CHRM3: variants seen among roughly 807,000 people sequenced by gnomAD.
The protein encoded by CHRM3 is muscarinic acetylcholine receptor M3.
A neutral mutation model predicts 41.8 loss-of-function variants in CHRM3; 11 were observed. That is an observed-to-expected ratio of 0.26 (90% CI 0.17 to 0.44). CHRM3 has a LOEUF of 0.44. Among genes scored for constraint, CHRM3 ranks in the 20% least tolerant of loss-of-function variants. The pLI is 1.00. For missense variants in CHRM3, 571 were observed against 745.4 expected, an observed-to-expected ratio of 0.77 and a Z score of 2.72; for synonymous variants, 297 against 301.4, an observed-to-expected ratio of 0.99 and a Z score of 0.15.
At chr1:239,558,712 C>T (rs909676363) in intron 3 of CHRM3, among the ~76,000 whole-genome samples, 6 of 152,186 alleles carry the variant, frequency 3.9e-5, no homozygotes, top group Non-Finnish European at 8.8e-5. Context: ...CCTAGAATGC[C>T]TTTCCCTCTC....
intron 5 of CHRM3, among the ~76,000 whole-genome samples, chr1:239,721,404 T>C (rs368443033): frequency 1.3e-5 from 2 of 151,862 alleles, no homozygotes; most frequent in South Asian, 2.1e-4. Flanking sequence ...AAGAAAATGA[T>C]AGGCATGGTA....
chr1:239,464,662 C>G (rs1318783944), intron 1 of CHRM3, among the ~76,000 whole-genome samples: 2 of 152,108 alleles, frequency 1.3e-5, no homozygotes, highest in Non-Finnish European at 2.9e-5. Flanking sequence ...TATGGGCAGG[C>G]TCTGGAATGT....
chr1:239,445,483 T>C (rs543951898), intron 1 of CHRM3, among the ~76,000 whole-genome samples: 5 of 152,308 alleles, frequency 3.3e-5, no homozygotes, highest in African/African-American at 1.2e-4. Context: ...CATAGCACTT[T>C]GTACATGCCT....
At chr1:239,794,453 A>G (rs181200784) in intron 5 of CHRM3, among the ~76,000 whole-genome samples, 1 of 134,728 alleles carries the variant, frequency 7.4e-6, no homozygotes, top group Non-Finnish European at 1.6e-5. Context: ...GATTTACTGT[A>G]TATCATTGTA....
intron 5 of CHRM3, among the ~76,000 whole-genome samples, chr1:239,816,042 GA>G (rs1022445696): frequency 9.2e-5 from 14 of 151,660 alleles, no homozygotes; most frequent in African/African-American, 2.2e-4. Context: ...TTCTGGGGGG[GA>G]AAAAAGAACA....
intron 4 of CHRM3, among the ~76,000 whole-genome samples, chr1:239,648,574 A>G (rs936054584): frequency 7.9e-5 from 12 of 152,086 alleles, no homozygotes; most frequent in Admixed American, 7.9e-4. Context: ...TGGGTAGTGG[A>G]TGAGGGGGAA....
intron 3 of CHRM3, among the ~76,000 whole-genome samples, chr1:239,598,635 A>G (rs908305043): frequency 6.6e-6 from 1 of 152,132 alleles, no homozygotes; most frequent in Non-Finnish European, 1.5e-5. Context: ...GTACCCCCTG[A>G]CTTGTTTGGA....
intron 5 of CHRM3, among the ~76,000 whole-genome samples, chr1:239,687,599 T>C (rs1659268666): frequency 6.6e-6 from 1 of 152,156 alleles, no homozygotes; most frequent in Admixed American, 6.5e-5. Flanking sequence ...AAATGTGACA[T>C]GTTTTAACCA....
intron 1 of CHRM3, among the ~76,000 whole-genome samples, chr1:239,406,901 G>A (rs958266209): frequency 1.3e-5 from 2 of 152,196 alleles, no homozygotes; most frequent in Non-Finnish European, 2.9e-5. Flanking sequence ...TCTGAGCCAA[G>A]TTGTTCTTGG....
At position 239,628,479 on chromosome 1, in the gene CHRM3, G is replaced by A. The variant is rs1200295560; in HGVS notation, c.-312-3745G>A. ...TCCCGTAGCTCAGAGTAATTTGATCGTCTGAAGCCTTCTTCTCTCAGCTCG... is the reference window on the plus strand; with the variant it reads ...TCCCGTAGCTCAGAGTAATTTGATCATCTGAAGCCTTCTTCTCTCAGCTCG... On this transcript the variant is annotated intron_variant, in intron 3 of 6. Transcript: ENST00000676153. 9.3e-4 allele frequency among the ~76,000 whole-genome samples: 49 copies of A among 52,612 alleles called. 2 individuals are homozygous for A. Among genetic ancestry groups the A allele is most frequent in the Non-Finnish European group, 1.3e-3 (40 of 31,836 alleles). The allele number at this position is 52,612 out of a possible 152,430, so 34.5% of individuals were successfully genotyped here. A position where few individuals can be genotyped will look rare whatever the true frequency, so the allele number is the denominator to read the frequency against.
In CHRM3 at chr1:239,823,494, C is replaced by T. The variant is rs192164272; in HGVS notation, c.-146-3758C>T. On this transcript the variant is annotated intron_variant, in intron 5 of 6. Coordinates refer to ENST00000676153, the MANE Select transcript of CHRM3 (RefSeq NM_001375978.1). Reference sequence around the variant, plus strand: ...GCTTATGCTGGTTTTCTATGCATTTCGTTCATTCAGCATTGGGACCATAAT... The same window carrying T: ...GCTTATGCTGGTTTTCTATGCATTTTGTTCATTCAGCATTGGGACCATAAT... Among the ~76,000 whole-genome samples, 150 of 152,262 alleles carry T rather than the reference C, an allele frequency of 9.9e-4. 1 individual carries two copies. The East Asian group carries it at 0.021, about 22-fold the overall frequency.
At chr1:239,777,966 G>T (rs1008037050) in intron 5 of CHRM3, among the ~76,000 whole-genome samples, 1 of 152,116 alleles carries the variant, frequency 6.6e-6, no homozygotes, top group South Asian at 2.1e-4. Context: ...TCCGGGGAAA[G>T]GTTGGGAGGG....
At chr1:239,679,151 C>A (rs547330185) in intron 5 of CHRM3, among the ~76,000 whole-genome samples, 1 of 152,080 alleles carries the variant, frequency 6.6e-6, no homozygotes, top group Non-Finnish European at 1.5e-5. Flanking sequence ...TACTTTATTA[C>A]AAGATTGATT....
At chr1:239,406,106 G>A (rs549083660) in intron 1 of CHRM3, among the ~76,000 whole-genome samples, 2 of 152,278 alleles carry the variant, frequency 1.3e-5, no homozygotes, top group Non-Finnish European at 2.9e-5. Flanking sequence ...TGGCCAGGCT[G>A]ATCTCGAACT....
chr1:239,674,852 G>A (rs111461590), intron 4 of CHRM3, among the ~76,000 whole-genome samples: 1 of 152,010 alleles, frequency 6.6e-6, no homozygotes, highest in Non-Finnish European at 1.5e-5. Context: ...TGGCAACAAT[G>A]GTGTCTCCTT....
At chr1:239,407,718 C>A (rs1378378627) in intron 1 of CHRM3, among the ~76,000 whole-genome samples, 1 of 151,954 alleles carries the variant, frequency 6.6e-6, no homozygotes, top group Non-Finnish European at 1.5e-5. Flanking sequence ...CATGAATATG[C>A]CCAGCTTTGT....
At chr1:239,658,841 C>T (rs1308384310) in intron 4 of CHRM3, among the ~76,000 whole-genome samples, 6 of 151,866 alleles carry the variant, frequency 4.0e-5, no homozygotes, top group Admixed American at 1.3e-4. Context: ...CGGGTTCAAG[C>T]GATTCTCCCA....
chr1:239,810,966 A>G lies in CHRM3; in HGVS notation c.-146-16286A>G, dbSNP rs185981674. On this transcript the variant is annotated intron_variant, in intron 5 of 6. Coordinates refer to ENST00000676153, the MANE Select transcript of CHRM3 (RefSeq NM_001375978.1). The stretch of plus-strand genomic sequence containing the variant: ...TTCCAAAGAAATCCTTGGAATCGCC[A>G]TAAGTTTTGTCTCTAAAAGCACAGA... Among the ~76,000 whole-genome samples the G allele has an allele frequency of 2.6e-4, 39 of 152,352 alleles. 1 individual carries two copies. Among genetic ancestry groups the G allele is most frequent in the African/African-American group, 9.1e-4 (38 of 41,590 alleles).
In CHRM3 at chr1:239,908,322, A is replaced by G; in HGVS notation, c.871A>G (p.Ser291Gly). Residue 291 changes from serine (S) to glycine (G), a missense_variant, in exon 7 of 7, where the codon AGC (serine) becomes GGC (glycine). By Grantham distance (56) the Ser-to-Gly change is moderately conservative. This residue lies in a region of CHRM3 where 153 missense variants were observed against 296.3 expected (regional missense o/e 0.52). Transcript: ENST00000676153. The surrounding 1 kb of genome is among the most constrained non-coding windows in gnomAD (Gnocchi z 7.2). Reference protein sequence around the residue: ...VHPTGSSRSCSSYELQQQSMK... With the variant: ...VHPTGSSRSCGSYELQQQSMK... ...CCCCACGGGCAGTTCTCGAAGCTGC[A>G]GCAGTTACGAACTTCAACAGCAAAG... 1 of 1,614,166 alleles carries G rather than the reference A, an allele frequency of 6.2e-7. No homozygotes were observed. Among genetic ancestry groups the G allele is most frequent in the South Asian group, 1.1e-5 (1 of 91,084 alleles).
Sources: gnomAD v4.1 joint callset for allele counts (sites outside exome capture counted in the v4.1 genomes callset) on GRCh38, gnomAD v4.1.1 for gene constraint, gnomAD v4.1.1 regional missense constraint, Gnocchi (gnomAD v3.1) non-coding constraint, MANE v1.5 for transcripts, NCBI Gene and HGNC (gene_info 2026-07-23, HGNC 2026-07-21) for gene names.